The following NKAIN2 variants were observed in gnomAD, a reference collection of about 807,000 sequenced individuals.
The protein encoded by NKAIN2 is sodium/potassium-transporting ATPase subunit beta-1-interacting protein 2.
In NKAIN2, 14 loss-of-function variants were observed where a neutral mutation model predicts 32.6. That is an observed-to-expected ratio of 0.43 (90% CI 0.28 to 0.67). The LOEUF is 0.67. NKAIN2 is among the 30% of genes least tolerant of loss of function. The pLI is 0.17. For synonymous variants in NKAIN2, 80 were observed against 87.2 expected, an observed-to-expected ratio of 0.92 and a Z score of 0.46; for missense variants, 198 against 258.3, an observed-to-expected ratio of 0.77 and a Z score of 1.60.
At chr6:124,412,464 C>T (rs1261386322) in intron 3 of NKAIN2, among the ~76,000 whole-genome samples, 1 of 152,168 alleles carries the variant, frequency 6.6e-6, no homozygotes, top group African/African-American at 2.4e-5. Context: ...GCCTGGGTAT[C>T]AGCAGTGGTG....
rs183001609 is a variant in NKAIN2 at position 124,119,216 on chromosome 6, C to T, written c.55-163789C>T. On this transcript the variant is annotated intron_variant, in intron 1 of 6. Transcript: ENST00000368417. ...AAATTTAACCAGAGTTACCTCACCT[C>T]TGAATAAGGAAGGATGAATGAGTGT... 2.4e-4 allele frequency among the ~76,000 whole-genome samples: 37 copies of T among 152,248 alleles called. 1 individual carries two copies. Among genetic ancestry groups the T allele is most frequent in the Middle Eastern group, 6.8e-3 (2 of 294 alleles).
intron 3 of NKAIN2, among the ~76,000 whole-genome samples, chr6:124,439,993 A>G (rs1775623712): frequency 6.6e-6 from 1 of 152,080 alleles, no homozygotes; most frequent in African/African-American, 2.4e-5. Context: ...AAATTTGGGT[A>G]GAGAACTATG....
chr6:124,063,105 A>T (rs1782992431), intron 1 of NKAIN2, among the ~76,000 whole-genome samples: 1 of 152,002 alleles, frequency 6.6e-6, no homozygotes, highest in Non-Finnish European at 1.5e-5. Context: ...GAATTGCTTG[A>T]ACCTGGGAGG....
chr6:124,344,082 A>G (rs1798279924), intron 2 of NKAIN2, among the ~76,000 whole-genome samples: 1 of 152,112 alleles, frequency 6.6e-6, no homozygotes, highest in South Asian at 2.1e-4. Flanking sequence ...CATTTATTAA[A>G]TAGGGAATCC....
At chr6:124,444,194 G>T (rs936867639) in intron 3 of NKAIN2, among the ~76,000 whole-genome samples, 3 of 151,986 alleles carry the variant, frequency 2.0e-5, no homozygotes, top group Non-Finnish European at 1.5e-5. Flanking sequence ...ATACATTAAT[G>T]AATTATGGAA....
chr6:124,085,427 G>T (rs748929498), intron 1 of NKAIN2, among the ~76,000 whole-genome samples: 28 of 151,778 alleles, frequency 1.8e-4, no homozygotes, highest in Non-Finnish European at 2.8e-4. Flanking sequence ...TCAGAACTGG[G>T]TTGAGGGGCA....
intron 3 of NKAIN2, among the ~76,000 whole-genome samples, chr6:124,430,829 A>G (rs1018211211): frequency 1.3e-5 from 2 of 152,150 alleles, no homozygotes; most frequent in African/African-American, 4.8e-5. Context: ...TTTTAAAACC[A>G]TCATATACAT....
chr6:123,943,105 C>T (rs183456026), intron 1 of NKAIN2, among the ~76,000 whole-genome samples: 3 of 152,006 alleles, frequency 2.0e-5, no homozygotes, highest in South Asian at 2.1e-4. Flanking sequence ...AATAATTACA[C>T]GTTTCTATCA....
chr6:124,140,233 A>T (rs1348621054), intron 1 of NKAIN2, among the ~76,000 whole-genome samples: 1 of 152,218 alleles, frequency 6.6e-6, no homozygotes, highest in Non-Finnish European at 1.5e-5. Context: ...TTTCACATAT[A>T]GTATCCTTAT....
intron 5 of NKAIN2, among the ~76,000 whole-genome samples, chr6:124,816,604 T>A (rs1326493784): frequency 6.6e-6 from 1 of 152,112 alleles, no homozygotes; most frequent in Non-Finnish European, 1.5e-5. Flanking sequence ...AAAAATAAAG[T>A]TTTTTTCTAA....
At chr6:124,255,534 G>A (rs183591892) in intron 1 of NKAIN2, among the ~76,000 whole-genome samples, 2 of 152,268 alleles carry the variant, frequency 1.3e-5, no homozygotes, top group Admixed American at 1.3e-4. Context: ...CATCTATTTC[G>A]CGGAGGATGC....
intron 1 of NKAIN2, among the ~76,000 whole-genome samples, chr6:124,089,717 C>T (rs2114925140): frequency 6.6e-6 from 1 of 152,092 alleles, no homozygotes; most frequent in South Asian, 2.1e-4. Context: ...TTTATTCATA[C>T]ACAATTAGCA....
intron 1 of NKAIN2, among the ~76,000 whole-genome samples, chr6:124,082,725 A>G (rs1784031085): frequency 1.3e-5 from 2 of 152,056 alleles, no homozygotes; most frequent in Non-Finnish European, 2.9e-5. Context: ...AATTCTTTCT[A>G]TAAGTCATCC....
intron 2 of NKAIN2, among the ~76,000 whole-genome samples, chr6:124,333,611 G>C (rs1359900416): frequency 6.6e-6 from 1 of 151,994 alleles, no homozygotes; most frequent in African/African-American, 2.4e-5. Context: ...AGTGAGCTGA[G>C]ATCACACCAC....
intron 3 of NKAIN2, among the ~76,000 whole-genome samples, chr6:124,623,815 G>C (rs1266486724): frequency 6.6e-6 from 1 of 152,160 alleles, no homozygotes; most frequent in African/African-American, 2.4e-5. Context: ...TCCTGATGTA[G>C]AAGGAGAGAT....
intron 5 of NKAIN2, among the ~76,000 whole-genome samples, chr6:124,810,409 C>T (rs1780836613): frequency 6.6e-6 from 1 of 151,998 alleles, no homozygotes; most frequent in Non-Finnish European, 1.5e-5. Context: ...CGCATATTCT[C>T]ATTCGTAGGT....
At chr6:123,988,871 A>AAG (rs2114683126) in intron 1 of NKAIN2, among the ~76,000 whole-genome samples, 1 of 123,542 alleles carries the variant, frequency 8.1e-6, no homozygotes, top group Admixed American at 9.5e-5. Flanking sequence ...TTTGAACCTT[A>AAG]AGAGTGTGTG....
At chr6:124,355,068 AT>A (rs910055012) in intron 2 of NKAIN2, among the ~76,000 whole-genome samples, 198 bp from the exon 3 acceptor site, 3 of 140,482 alleles carry the variant, frequency 2.1e-5, no homozygotes, top group Middle Eastern at 3.6e-3. Flanking sequence ...CGACTTTGTC[AT>A]TAAAAAAAAA....
intron 2 of NKAIN2, among the ~76,000 whole-genome samples, chr6:124,312,766 A>G (rs1796777195): frequency 6.6e-6 from 1 of 152,236 alleles, no homozygotes; most frequent in African/African-American, 2.4e-5. Flanking sequence ...TAATGCTAAT[A>G]GACTGAGTGG....
Sources: gnomAD v4.1 joint callset for allele counts (sites outside exome capture counted in the v4.1 genomes callset) on GRCh38, gnomAD v4.1.1 for gene constraint, MANE v1.5 for transcripts, NCBI Gene and HGNC (gene_info 2026-07-23, HGNC 2026-07-21) for gene names.